Variants in LRMDA observed in about 807,000 individuals in gnomAD.
LRMDA encodes leucine rich melanocyte differentiation associated.
LRMDA carries 18 observed loss-of-function variants against 29.8 expected under a neutral mutation model. The ratio of observed to expected loss-of-function variants is 0.60; its 90% CI spans 0.42 to 0.90. LRMDA has a LOEUF of 0.90. LRMDA is among the 40% of genes least tolerant of loss of function. LRMDA has a pLI of 0.00. For missense variants in LRMDA, 273 were observed against 273.9 expected (o/e 1.00, Z 0.02); for synonymous variants, 125 against 109.4 (o/e 1.14, Z -0.89).
At chr10:75,592,946 G>A (rs1313647201) in intron 2 of LRMDA, among the ~76,000 whole-genome samples, 1 of 152,106 alleles carries the variant, frequency 6.6e-6, no homozygotes, top group Non-Finnish European at 1.5e-5. Flanking sequence ...CTCTCATGGA[G>A]ACTAGCAGGC....
intron 2 of LRMDA, among the ~76,000 whole-genome samples, chr10:75,783,894 A>G (rs945848513): frequency 2.0e-5 from 3 of 152,130 alleles, no homozygotes; most frequent in Non-Finnish European, 4.4e-5. Context: ...AATAAATAAT[A>G]CATTGCCTGG....
intron 2 of LRMDA, among the ~76,000 whole-genome samples, chr10:75,560,854 T>G (rs1484952912): frequency 6.6e-6 from 1 of 152,204 alleles, no homozygotes; most frequent in Non-Finnish European, 1.5e-5. Flanking sequence ...TTGCGTATAT[T>G]GAACCAGCCT....
At chr10:75,998,076 G>A (rs757900485) in intron 2 of LRMDA, among the ~76,000 whole-genome samples, 1 of 152,300 alleles carries the variant, frequency 6.6e-6, no homozygotes, top group Non-Finnish European at 1.5e-5. Flanking sequence ...TGTCATCTAG[G>A]ATGAGAATGC....
intron 2 of LRMDA, among the ~76,000 whole-genome samples, chr10:75,842,411 T>C (rs907661111): frequency 6.6e-6 from 1 of 152,226 alleles, no homozygotes; most frequent in African/African-American, 2.4e-5. Context: ...CTAGAAAGCC[T>C]GAAATATTTA....
chr10:76,370,928 A>G (rs992918231), intron 6 of LRMDA, among the ~76,000 whole-genome samples: 2 of 152,268 alleles, frequency 1.3e-5, no homozygotes, highest in African/African-American at 4.8e-5. Flanking sequence ...TGTGTCCTCT[A>G]CAGACAAAGG....
intron 6 of LRMDA, among the ~76,000 whole-genome samples, chr10:76,376,049 GTT>G (rs1220406896): frequency 6.6e-6 from 1 of 151,870 alleles, no homozygotes; most frequent in Admixed American, 6.6e-5. Flanking sequence ...TTATTACATG[GTT>G]TTATTGAATA....
At chr10:76,117,187 G>A (rs1002976102) in intron 5 of LRMDA, among the ~76,000 whole-genome samples, 1 of 152,156 alleles carries the variant, frequency 6.6e-6, no homozygotes, top group African/African-American at 2.4e-5. Context: ...TAATGGCAAA[G>A]CTGCACTCAG....
chr10:76,496,938 G>A (rs564307383), intron 6 of LRMDA, among the ~76,000 whole-genome samples: 1 of 75,118 alleles, frequency 1.3e-5, no homozygotes, highest in African/African-American at 3.2e-5. Flanking sequence ...CTTTTTAATG[G>A]TCTAAGGAAA....
chr10:75,824,762 T>C (rs1844220788), intron 2 of LRMDA, among the ~76,000 whole-genome samples: 1 of 152,178 alleles, frequency 6.6e-6, no homozygotes, highest in South Asian at 2.1e-4. Context: ...TGGCTCTGCA[T>C]AGAAGGCAGA....
chr10:75,502,079 C>T (rs1845120069), intron 2 of LRMDA, among the ~76,000 whole-genome samples: 1 of 152,194 alleles, frequency 6.6e-6, no homozygotes, highest in African/African-American at 2.4e-5. Flanking sequence ...GCTCTGCTCT[C>T]CCCTCTTTCT....
At chr10:75,816,460 G>A (rs1255487036) in intron 2 of LRMDA, among the ~76,000 whole-genome samples, 1 of 152,088 alleles carries the variant, frequency 6.6e-6, no homozygotes, top group East Asian at 1.9e-4. Context: ...AAGCAGTAGT[G>A]GGAGATAGGA....
chr10:75,607,836 T>G (rs1303497098), intron 2 of LRMDA, among the ~76,000 whole-genome samples: 3 of 148,692 alleles, frequency 2.0e-5, no homozygotes, highest in Non-Finnish European at 3.0e-5. Context: ...TTTTTTTTTT[T>G]TTTTTTTTTT....
At chr10:75,839,987 C>T (rs936026932) in intron 2 of LRMDA, among the ~76,000 whole-genome samples, 3 of 152,154 alleles carry the variant, frequency 2.0e-5, no homozygotes, top group African/African-American at 7.2e-5. Context: ...GGATTACAGG[C>T]GTAAGCCACC....
intron 2 of LRMDA, among the ~76,000 whole-genome samples, chr10:75,799,631 C>T (rs900795220): frequency 4.0e-5 from 6 of 151,720 alleles, no homozygotes; most frequent in African/African-American, 1.5e-4. Context: ...TCTCCTGCCT[C>T]AGCCTCCCAA....
chr10:76,243,864 T>C (rs917259782), intron 5 of LRMDA, among the ~76,000 whole-genome samples: 1 of 152,130 alleles, frequency 6.6e-6, no homozygotes, highest in Non-Finnish European at 1.5e-5. Context: ...AATGTGACCT[T>C]CAGTGGAAAA....
At chr10:76,470,558 C>T (rs1015908254) in intron 6 of LRMDA, 2 of 151,934 alleles carry the variant, frequency 1.3e-5, no homozygotes, top group Admixed American at 1.3e-4. Context: ...TAATAGTATT[C>T]AGCCATAAAA....
At chr10:76,033,968 AAGG>A (rs1006726365) in intron 2 of LRMDA, among the ~76,000 whole-genome samples, 1 of 151,982 alleles carries the variant, frequency 6.6e-6, no homozygotes, top group Non-Finnish European at 1.5e-5. Context: ...CAGTGAATAA[AAGG>A]AGGAAGGAAA....
intron 2 of LRMDA, among the ~76,000 whole-genome samples, chr10:75,576,926 G>A (rs1840513532): frequency 6.6e-6 from 1 of 152,164 alleles, no homozygotes; most frequent in African/African-American, 2.4e-5. Context: ...CATGAAGATG[G>A]GGAGAAACCA....
At chr10:76,332,088 G>A (rs912763954) in intron 6 of LRMDA, among the ~76,000 whole-genome samples, 1 of 152,170 alleles carries the variant, frequency 6.6e-6, no homozygotes, top group Non-Finnish European at 1.5e-5. Flanking sequence ...ACTTTGCAGG[G>A]TCAATAGCTT....
Sources: gnomAD v4.1 joint callset for allele counts (sites outside exome capture counted in the v4.1 genomes callset) on GRCh38, gnomAD v4.1.1 for gene constraint, MANE v1.5 for transcripts, NCBI Gene and HGNC (gene_info 2026-07-23, HGNC 2026-07-21) for gene names.